The following KCNIP4 variants were observed in gnomAD, a reference collection of about 807,000 sequenced individuals.
The protein encoded by KCNIP4 is potassium voltage-gated channel interacting protein 4.
Under a neutral mutation model 34.0 loss-of-function variants are expected in KCNIP4, and 12 were observed. The observed-to-expected ratio is 0.35, with a 90% CI of 0.23 to 0.57. The LOEUF (loss-of-function observed/expected upper bound fraction) is 0.57. KCNIP4 is among the 20% of genes least tolerant of loss of function. The pLI is 0.83. For synonymous variants in KCNIP4, 124 were observed against 102.2 expected (o/e 1.21, Z -1.29); for missense variants, 238 against 311.7 (o/e 0.76, Z 1.78).
intron 1 of KCNIP4, among the ~76,000 whole-genome samples, chr4:21,836,572 A>C (rs1184419292): frequency 6.6e-6 from 1 of 152,218 alleles, no homozygotes; most frequent in Non-Finnish European, 1.5e-5. Context: ...GAAAATTTGC[A>C]GTTAACTAGT....
At chr4:21,275,939 TG>T (rs1762410191) in intron 1 of KCNIP4, among the ~76,000 whole-genome samples, 1 of 152,160 alleles carries the variant, frequency 6.6e-6, no homozygotes, top group Non-Finnish European at 1.5e-5. Context: ...CTAACAGTAA[TG>T]ATAGCTGATG....
chr4:20,732,652 G>T, intron 7 of KCNIP4, 29 bp downstream of exon 7: 1 of 1,411,618 alleles, frequency 7.1e-7, no homozygotes, highest in Non-Finnish European at 1.0e-6. Context: ...CTAACTTCAT[G>T]CCCTCTTGAC....
At chr4:21,324,858 C>T (rs369854189) in intron 1 of KCNIP4, among the ~76,000 whole-genome samples, 14 of 151,828 alleles carry the variant, frequency 9.2e-5, no homozygotes, top group African/African-American at 2.9e-4. Flanking sequence ...GTAGTATGGA[C>T]ATTTTAATAA....
intron 1 of KCNIP4, among the ~76,000 whole-genome samples, chr4:21,375,023 C>T (rs1215825922): frequency 3.4e-5 from 5 of 147,348 alleles, no homozygotes; most frequent in Non-Finnish European, 7.4e-5. Context: ...GTAGAGAATT[C>T]GGAGGTAATA....
chr4:21,086,071 A>C (rs897851099), intron 1 of KCNIP4, among the ~76,000 whole-genome samples: 3 of 152,162 alleles, frequency 2.0e-5, no homozygotes, highest in Admixed American at 2.0e-4. Context: ...AGGTTCCGTC[A>C]TGTAGATATA....
intron 1 of KCNIP4, among the ~76,000 whole-genome samples, chr4:20,925,172 G>C (rs777429560): frequency 2.0e-5 from 3 of 152,200 alleles, no homozygotes; most frequent in South Asian, 2.1e-4. Flanking sequence ...CCACATACCC[G>C]CTCGGTGAGG....
intron 3 of KCNIP4, among the ~76,000 whole-genome samples, chr4:20,799,616 C>T (rs747300024): frequency 6.6e-6 from 1 of 152,150 alleles, no homozygotes; most frequent in Non-Finnish European, 1.5e-5. Flanking sequence ...ACCCTCAATC[C>T]CAGGCCCAAG....
intron 1 of KCNIP4, among the ~76,000 whole-genome samples, chr4:21,347,609 A>G (rs1388636317): frequency 1.3e-5 from 2 of 152,192 alleles, no homozygotes; most frequent in African/African-American, 4.8e-5. Context: ...GTGCTCTCAT[A>G]CTATATCCAA....
Position 21,422,218 on chromosome 4 carries a change from C to T in KCNIP4, c.61+526353G>A, listed in dbSNP as rs183091147. ...CTACTTTTTTTTTTTTTTTTTGAGA[C>T]GGAGTCTCGCTTTGTCGCCCAGGCT... On this transcript the variant is annotated intron_variant, in intron 1 of 8. Transcript: ENST00000382152. 5.4e-3 allele frequency among the ~76,000 whole-genome samples: 777 copies of T among 142,790 alleles called. 2 individuals carry two copies. The highest frequency in any genetic ancestry group is 0.019 in the African/African-American group (748 of 38,522). 93.7% of individuals were successfully genotyped at this position (142,790 alleles called of 152,430 possible).
chr4:21,794,072 A>G (rs1204031521), intron 1 of KCNIP4, among the ~76,000 whole-genome samples: 2 of 152,146 alleles, frequency 1.3e-5, no homozygotes, highest in Non-Finnish European at 2.9e-5. Context: ...GAATTGAACA[A>G]TGAGAACACC....
At position 21,828,941 on chromosome 4, in the gene KCNIP4, T is replaced by C. The variant is rs549546756; in HGVS notation, c.61+119630A>G. On this transcript the variant is annotated intron_variant, in intron 1 of 8. Transcript: ENST00000382152. ...GTGATAAATACATGGCTTAATATTT[T>C]GGTAACTCTGCAAAAATACATATAG... is the stretch of plus-strand genomic sequence containing the variant. 9.9e-5 allele frequency among the ~76,000 whole-genome samples: 15 copies of C among 152,118 alleles called. No individual in the cohort carries two copies. The East Asian group carries it at 1.5e-3, about 16-fold the overall frequency.
rs150922821 is a variant in KCNIP4, at chr4:21,150,044, A to G, written c.62-267335T>C. ...CAAGTTCTATATCTGTTGTCATATCAGGGCAATGATAGAATTGCCTGTCAC... is the reference window on the plus strand; with the variant it reads ...CAAGTTCTATATCTGTTGTCATATCGGGGCAATGATAGAATTGCCTGTCAC... On this transcript the variant is annotated intron_variant, in intron 1 of 8. Coordinates refer to ENST00000382152, the MANE Select transcript of KCNIP4 (RefSeq NM_025221.6). 6.9e-3 allele frequency among the ~76,000 whole-genome samples: 1,055 copies of G among 152,286 alleles called. 15 individuals carry two copies. The highest frequency in any genetic ancestry group is 0.024 in the African/African-American group (997 of 41,550).
At chr4:20,779,461 A>G (rs1034233226) in intron 3 of KCNIP4, among the ~76,000 whole-genome samples, 1 of 151,878 alleles carries the variant, frequency 6.6e-6, no homozygotes, top group Non-Finnish European at 1.5e-5. Flanking sequence ...CTCTGACCCT[A>G]GAGTTCGGTG....
At chr4:21,057,071 G>A (rs1432445683) in intron 1 of KCNIP4, among the ~76,000 whole-genome samples, 1 of 152,018 alleles carries the variant, frequency 6.6e-6, no homozygotes, top group South Asian at 2.1e-4. Flanking sequence ...TTGCCACTGG[G>A]TATCTATGTG....
chr4:20,837,071 T>A (rs982386801), intron 3 of KCNIP4, among the ~76,000 whole-genome samples: 3 of 152,202 alleles, frequency 2.0e-5, no homozygotes, highest in African/African-American at 4.8e-5. Flanking sequence ...ATGCTTAATA[T>A]GTGTTTGTGA....
At chr4:21,724,992 C>T (rs181375733) in intron 1 of KCNIP4, among the ~76,000 whole-genome samples, 17 of 152,244 alleles carry the variant, frequency 1.1e-4, no homozygotes, top group Admixed American at 3.9e-4. Context: ...GCTTTGTAAA[C>T]ACTTTAGCTT....
chr4:20,920,629 A>G (rs941694556), intron 1 of KCNIP4, among the ~76,000 whole-genome samples: 1 of 152,152 alleles, frequency 6.6e-6, no homozygotes, highest in Non-Finnish European at 1.5e-5. Flanking sequence ...GTACATGGAG[A>G]AGCCAAGTGA....
At chr4:21,226,868 A>ATT (rs113191858) in intron 1 of KCNIP4, among the ~76,000 whole-genome samples, 3 of 150,728 alleles carry the variant, frequency 2.0e-5, no homozygotes, top group African/African-American at 4.8e-5. Flanking sequence ...TGAACCAGTA[A>ATT]TTTTTTTTTT....
chr4:21,036,360 C>A (rs1741442242), intron 1 of KCNIP4, among the ~76,000 whole-genome samples: 1 of 152,138 alleles, frequency 6.6e-6, no homozygotes, highest in Admixed American at 6.5e-5. Flanking sequence ...TAAGCACAGG[C>A]AAGGGATATG....
Sources: allele counts gnomAD v4.1 joint callset (sites outside exome capture counted in the v4.1 genomes callset), GRCh38; gene constraint gnomAD v4.1.1; transcripts MANE v1.5; gene names NCBI Gene and HGNC (gene_info 2026-07-23, HGNC 2026-07-21).